Variants in NFIB observed in about 807,000 individuals in gnomAD.
The protein encoded by NFIB is nuclear factor I B.
A neutral mutation model predicts 61.5 loss-of-function variants in NFIB; 11 were observed. That is an observed-to-expected ratio of 0.18 (90% CI 0.11 to 0.30). The LOEUF (loss-of-function observed/expected upper bound fraction) is 0.30. NFIB is among the 10% of genes least tolerant of loss of function. The pLI is 1.00. For synonymous variants in NFIB, 260 were observed against 216.5 expected (o/e 1.20, Z -1.76); for missense variants, 471 against 608.9 (o/e 0.77, Z 2.38).
the NFIB span, among the ~76,000 whole-genome samples, chr9:14,446,622 C>G: frequency 6.6e-6 from 1 of 151,994 alleles, no homozygotes; most frequent in Non-Finnish European, 1.5e-5. Flanking sequence ...AATAATATGA[C>G]TTGAAAACAG....
chr9:14,128,673 C>T (rs893984932), intron 6 of NFIB, among the ~76,000 whole-genome samples: 6 of 140,990 alleles, frequency 4.3e-5, no homozygotes, highest in Non-Finnish European at 7.5e-5. Context: ...ACTCCAGCCG[C>T]GACAAGAACA....
intron 1 of NFIB, among the ~76,000 whole-genome samples, chr9:14,346,290 ACCC>A (rs67699489): frequency 0.016 from 1,374 of 88,440 alleles, 69 homozygotes; most frequent in African/African-American, 0.046. Context: ...GGTAACCGAC[ACCC>A]CCCCCCCGTA....
intron 2 of NFIB, among the ~76,000 whole-genome samples, chr9:14,285,933 G>C (rs1048075438): frequency 6.6e-6 from 1 of 150,954 alleles, no homozygotes; most frequent in Non-Finnish European, 1.5e-5. Context: ...CTTGCTGAAA[G>C]TTATACAGTT....
At chr9:14,104,713 T>C (rs1300591673) in intron 10 of NFIB, among the ~76,000 whole-genome samples, 1 of 151,304 alleles carries the variant, frequency 6.6e-6, no homozygotes, top group Non-Finnish European at 1.5e-5. Context: ...CCTGAGTAGC[T>C]GGAATTACAG....
At chr9:14,498,577 C>G in the NFIB span, among the ~76,000 whole-genome samples, 1 of 152,166 alleles carries the variant, frequency 6.6e-6, no homozygotes, top group African/African-American at 2.4e-5. Flanking sequence ...TGGACCAGCT[C>G]AGGATGCAGA....
chr9:14,438,827 G>C, the NFIB span, among the ~76,000 whole-genome samples: 1 of 152,256 alleles, frequency 6.6e-6, no homozygotes, highest in African/African-American at 2.4e-5. Flanking sequence ...GGGCGGCAGA[G>C]AATGAGGGCT....
chr9:14,365,095 C>A (rs930449642), intron 1 of NFIB, among the ~76,000 whole-genome samples: 22 of 152,228 alleles, frequency 1.4e-4, no homozygotes, highest in African/African-American at 5.1e-4. Flanking sequence ...ATAACACTAC[C>A]CATGTAAAGT....
chr9:14,274,492 C>T (rs1437157661), intron 2 of NFIB, among the ~76,000 whole-genome samples: 1 of 152,096 alleles, frequency 6.6e-6, no homozygotes, highest in Non-Finnish European at 1.5e-5. Flanking sequence ...TTTTCTTTGT[C>T]GTTTTTGTTT....
intron 2 of NFIB, among the ~76,000 whole-genome samples, chr9:14,268,696 T>C (rs758097900): frequency 2.6e-5 from 4 of 152,266 alleles, no homozygotes; most frequent in Non-Finnish European, 4.4e-5. Context: ...CTGTTTCATA[T>C]GAATTAGGTG....
chr9:14,204,339 T>A, intron 2 of NFIB: 1 of 771,586 alleles, frequency 1.3e-6, no homozygotes, highest in Non-Finnish European at 2.3e-6. Context: ...GTCAACCCCC[T>A]GTTTGAGAAA....
intron 2 of NFIB, among the ~76,000 whole-genome samples, chr9:14,229,560 C>T (rs2052864250): frequency 6.6e-6 from 1 of 152,098 alleles, no homozygotes; most frequent in South Asian, 2.1e-4. Context: ...GTTTGTGGCA[C>T]ATAAAAAAAT....
chr9:14,285,182 G>C (rs1787957783), intron 2 of NFIB, among the ~76,000 whole-genome samples: 1 of 152,172 alleles, frequency 6.6e-6, no homozygotes, highest in African/African-American at 2.4e-5. Context: ...GAGCACAAGG[G>C]TGCAATCTCA....
intron 6 of NFIB, among the ~76,000 whole-genome samples, chr9:14,146,100 C>A (rs915212948): frequency 4.6e-5 from 7 of 152,034 alleles, no homozygotes; most frequent in Non-Finnish European, 8.8e-5. Flanking sequence ...AGTCTCAATC[C>A]TTCCGGGTCT....
chr9:14,267,032 C>G (rs964372518), intron 2 of NFIB, among the ~76,000 whole-genome samples: 1 of 152,054 alleles, frequency 6.6e-6, no homozygotes, highest in Non-Finnish European at 1.5e-5. Flanking sequence ...TGTGAGCTTT[C>G]TAGCATACAG....
chr9:14,209,208 G>T (rs1011640253), intron 2 of NFIB, among the ~76,000 whole-genome samples: 1 of 152,120 alleles, frequency 6.6e-6, no homozygotes, highest in African/African-American at 2.4e-5. Flanking sequence ...ACATGCTTAT[G>T]TTCTTTTCAT....
chr9:14,180,013 G>A (rs2046588909), intron 2 of NFIB, among the ~76,000 whole-genome samples: 1 of 152,122 alleles, frequency 6.6e-6, no homozygotes, highest in African/African-American at 2.4e-5. Context: ...TAATTTTCTT[G>A]GGCTAGAGCA....
the NFIB span, among the ~76,000 whole-genome samples, chr9:14,427,944 T>TTTTTTTTTGTTTG: frequency 3.6e-5 from 3 of 83,180 alleles, 1 homozygote; most frequent in African/African-American, 1.2e-4. Flanking sequence ...GTTGTTTTTT[T>TTTTTTTTTGTTTG]TTTTTTTTTT....
chr9:14,253,978 C>T (rs36008893), intron 2 of NFIB, among the ~76,000 whole-genome samples: 1 of 152,258 alleles, frequency 6.6e-6, no homozygotes, highest in Admixed American at 6.5e-5. Flanking sequence ...CAGCACTTGA[C>T]AAAACCCGTC....
intron 2 of NFIB, among the ~76,000 whole-genome samples, chr9:14,214,919 A>G (rs1239604958): frequency 6.6e-6 from 1 of 152,258 alleles, no homozygotes; most frequent in Non-Finnish European, 1.5e-5. Context: ...GTACGTGTAT[A>G]CACATGCATA....
Sources: gnomAD v4.1 joint callset for allele counts (sites outside exome capture counted in the v4.1 genomes callset) on GRCh38, gnomAD v4.1.1 for gene constraint, MANE v1.5 for transcripts, NCBI Gene and HGNC (gene_info 2026-07-23, HGNC 2026-07-21) for gene names.